The following DEAF1 variants were observed in gnomAD, a reference collection of about 807,000 sequenced individuals.
DEAF1 encodes the protein deformed epidermal autoregulatory factor 1 homolog.
In DEAF1, 53 loss-of-function variants were observed where a neutral mutation model predicts 58.9. The ratio of observed to expected loss-of-function variants is 0.90; its 90% CI spans 0.72 to 1.13. The LOEUF (loss-of-function observed/expected upper bound fraction) is 1.13, where lower values mean the gene tolerates loss of function less well. Ranked by LOEUF, DEAF1 falls within the 50% of genes most tolerant of loss-of-function variation. The pLI, the probability that DEAF1 is intolerant of heterozygous loss-of-function variation, is 0.00. For missense variants in DEAF1, 685 were observed against 791.4 expected, an observed-to-expected ratio of 0.87 and a Z score of 1.61; for synonymous variants, 385 against 340.4, an observed-to-expected ratio of 1.13 and a Z score of -1.44.
upstream of DEAF1, chr11:699,515 G>A (rs1363218680): frequency 1.3e-5 from 2 of 154,740 alleles, no homozygotes; most frequent in Non-Finnish European, 2.9e-5. Context: ...GGGAGGCTGA[G>A]GTGGACAGAT....
At chr11:652,882 G>A (rs962481245) in intron 11 of DEAF1, among the ~76,000 whole-genome samples, 4 of 151,794 alleles carry the variant, frequency 2.6e-5, no homozygotes, top group Admixed American at 6.6e-5. Context: ...TCAGGAGTTC[G>A]AGACCAGCTT....
At chr11:695,390 G>T (rs1861080834), upstream of DEAF1, 1 of 420,540 alleles carries the variant, frequency 2.4e-6, no homozygotes, top group Non-Finnish European at 4.1e-6. Flanking sequence ...GCTTCCGAGA[G>T]ACTCGGCCCC....
chr11:657,413 C>T (rs916222422), intron 10 of DEAF1, among the ~76,000 whole-genome samples: 1 of 152,184 alleles, frequency 6.6e-6, no homozygotes, highest in South Asian at 2.1e-4. Context: ...AGATGGTGTG[C>T]TTCACAAGAA....
upstream of DEAF1, chr11:695,602 A>G (rs1007625222): frequency 2.3e-5 from 29 of 1,243,478 alleles, no homozygotes; most frequent in Non-Finnish European, 2.9e-5. Context: ...AATGTCCCCG[A>G]GGCCGAATGC....
chr11:703,539 A>C, intron 1 of DEAF1: 1 of 1,234,062 alleles, frequency 8.1e-7, no homozygotes, highest in Non-Finnish European at 1.0e-6. Context: ...TGCATCCCCC[A>C]TCACCCCCTA....
At chr11:695,575 C>A (rs930798990), upstream of DEAF1, 4 of 1,233,928 alleles carry the variant, frequency 3.2e-6, no homozygotes, top group South Asian at 4.0e-5. Flanking sequence ...AGCCCGAGGC[C>A]GAGCCGAGAC....
intron 1 of DEAF1, chr11:702,868 C>T: frequency 1.4e-6 from 2 of 1,414,768 alleles, no homozygotes; most frequent in Non-Finnish European, 1.9e-6. Flanking sequence ...GTCCCAGCAG[C>T]CCTCCAGGCA....
intron 1 of DEAF1, chr11:701,259 A>AGCC (rs1861450457): frequency 6.4e-6 from 1 of 156,672 alleles, no homozygotes; most frequent in Non-Finnish European, 1.4e-5. Flanking sequence ...AGCTCACTGC[A>AGCC]GCCTTGACCT....
At chr11:701,503 C>G (rs11246271) in intron 1 of DEAF1, among the ~76,000 whole-genome samples, 3 of 148,670 alleles carry the variant, frequency 2.0e-5, no homozygotes, top group African/African-American at 7.5e-5. Flanking sequence ...CTCCGCCTCC[C>G]GGGTTCACGC....
At chr11:660,963 C>T (rs578125356) in intron 10 of DEAF1, among the ~76,000 whole-genome samples, 16 of 152,336 alleles carry the variant, frequency 1.1e-4, no homozygotes, top group African/African-American at 3.6e-4. Flanking sequence ...TCCCCAGGCA[C>T]GGAGGCACCA....
rs1456453751 is a variant in DEAF1, at chr11:671,842, A to C, written c.1503+2694T>G. Among the ~76,000 whole-genome samples the C allele has an allele frequency of 7.4e-3, 1,002 of 135,378 alleles. 10 individuals are homozygous for C. The highest frequency in any genetic ancestry group is 0.026 in the African/African-American group (952 of 36,360). 88.8% of individuals were successfully genotyped at this position (135,378 alleles called of 152,430 possible). A position where few individuals can be genotyped will look rare whatever the true frequency, so the allele number is the denominator to read the frequency against. On this transcript the variant is annotated intron_variant, in intron 10 of 11. Transcript: ENST00000382409. ...CTTACCTCTTAAAAAAAAAAAAAAA[A>C]AAAAAAAGAAACACAAAAAACACTA...
intron 9 of DEAF1, among the ~76,000 whole-genome samples, chr11:676,951 A>G (rs1211654621): frequency 6.6e-6 from 1 of 152,150 alleles, no homozygotes; most frequent in Non-Finnish European, 1.5e-5. Context: ...ACATGAGAAC[A>G]TTTCTGACTT....
chr11:701,289 C>T (rs1337834036), intron 1 of DEAF1, among the ~76,000 whole-genome samples: 2 of 152,108 alleles, frequency 1.3e-5, no homozygotes, highest in African/African-American at 4.8e-5. Flanking sequence ...GAGCGATCCT[C>T]CTGCCTCAGC....
chr11:703,037 C>T, intron 1 of DEAF1: 1 of 1,612,832 alleles, frequency 6.2e-7, no homozygotes, highest in Non-Finnish European at 8.5e-7. Context: ...CCACTTCCTG[C>T]TTTGGCAGGC....
intron 1 of DEAF1, chr11:703,724 C>G (rs1590040490): frequency 8.1e-7 from 1 of 1,232,578 alleles, no homozygotes; most frequent in East Asian, 3.2e-5. Flanking sequence ...CTCTGGGTTC[C>G]TAAAGCAATA....
chr11:678,928 G>T, intron 8 of DEAF1, 106 bp from the exon 9 acceptor site: 1 of 1,441,612 alleles, frequency 6.9e-7, no homozygotes. Context: ...AGTAGCTTAT[G>T]GCCACACGTG....
At chr11:687,744 C>T (rs1860657975) in intron 4 of DEAF1, among the ~76,000 whole-genome samples, 167 bp downstream of exon 4, 1 of 152,112 alleles carries the variant, frequency 6.6e-6, no homozygotes, top group African/African-American at 2.4e-5. Flanking sequence ...GATCCACCCG[C>T]CTCGGCTTCC....
intron 10 of DEAF1, chr11:654,682 A>G (rs1858961724): frequency 2.2e-6 from 1 of 452,374 alleles, no homozygotes; most frequent in Non-Finnish European, 4.4e-6. Flanking sequence ...CAGCACAGGC[A>G]ACGTTGCGAA....
chr11:693,891 G>A (rs905947593), intron 1 of DEAF1, among the ~76,000 whole-genome samples: 10 of 152,146 alleles, frequency 6.6e-5, no homozygotes, highest in South Asian at 4.1e-4. Flanking sequence ...GGGGCAGGAG[G>A]AGCAGGTCCT....
Sources: gnomAD v4.1 joint callset for allele counts (sites outside exome capture counted in the v4.1 genomes callset) on GRCh38, gnomAD v4.1.1 for gene constraint, MANE v1.5 for transcripts, NCBI Gene and HGNC (gene_info 2026-07-23, HGNC 2026-07-21) for gene names.